The following AQR variants were observed in gnomAD, a reference collection of about 807,000 sequenced individuals.
The protein encoded by AQR is RNA helicase aquarius.
A neutral mutation model predicts 180.5 loss-of-function variants in AQR; 61 were observed. The observed-to-expected ratio is 0.34, with a 90% CI of 0.28 to 0.42. AQR has a LOEUF of 0.42. Ranked by LOEUF, AQR falls within the 10% of genes least tolerant of loss-of-function variation. The pLI is 1.00. For synonymous variants in AQR, 551 were observed against 588.8 expected (o/e 0.94, Z 0.93); for missense variants, 1,281 against 1,798.3 (o/e 0.71, Z 5.20).
intron 13 of AQR, among the ~76,000 whole-genome samples, chr15:34,925,052 A>G (rs1420692536): frequency 2.0e-5 from 3 of 152,170 alleles, no homozygotes; most frequent in African/African-American, 7.2e-5. Context: ...TCATTAAAAA[A>G]TTTAAAATAT....
At chr15:34,949,938 T>C (rs1894193954) in intron 4 of AQR, among the ~76,000 whole-genome samples, 1 of 145,836 alleles carries the variant, frequency 6.9e-6, no homozygotes, top group African/African-American at 2.5e-5. Context: ...TGTACTCCAA[T>C]GTGGGCAACA....
chr15:34,936,861 A>G (rs1893952810), intron 9 of AQR, among the ~76,000 whole-genome samples: 1 of 152,062 alleles, frequency 6.6e-6, no homozygotes, highest in Non-Finnish European at 1.5e-5. Context: ...ATAGTTAGAG[A>G]TATCAATTTT....
At chr15:34,922,120 GT>G (rs1678828636) in intron 13 of AQR, among the ~76,000 whole-genome samples, 1 of 152,010 alleles carries the variant, frequency 6.6e-6, no homozygotes, top group African/African-American at 2.4e-5. Flanking sequence ...TCTTAGGTAG[GT>G]AGCCTTTTGA....
chr15:34,901,630 A>G (rs1000091961), intron 19 of AQR, among the ~76,000 whole-genome samples: 1 of 152,218 alleles, frequency 6.6e-6, no homozygotes, highest in African/African-American at 2.4e-5. Context: ...GACCATTTTT[A>G]AATCATAACT....
chr15:34,897,853 A>G, intron 20 of AQR, 148 bp from the exon 21 acceptor site: 3 of 884,466 alleles, frequency 3.4e-6, no homozygotes, highest in Non-Finnish European at 5.1e-6. Flanking sequence ...AACTCTGAAA[A>G]TGGTCGAGTT....
intron 17 of AQR, among the ~76,000 whole-genome samples, chr15:34,908,414 C>T (rs946538233): frequency 3.3e-5 from 5 of 151,364 alleles, no homozygotes; most frequent in Non-Finnish European, 5.9e-5. Flanking sequence ...CCAGACTGGG[C>T]GACAGAGTGA....
chr15:34,898,146 G>C (rs1163774202), intron 20 of AQR, among the ~76,000 whole-genome samples: 1 of 152,176 alleles, frequency 6.6e-6, no homozygotes, highest in Non-Finnish European at 1.5e-5. Flanking sequence ...TTTCGCCTGG[G>C]CATAGGGTAG....
At chr15:34,885,094 A>C in intron 25 of AQR, among the ~76,000 whole-genome samples, 1 of 152,206 alleles carries the variant, frequency 6.6e-6, no homozygotes, top group East Asian at 1.9e-4. Flanking sequence ...TCTCTGGACA[A>C]AGAAATTGCT....
chr15:34,932,267 A>G, intron 11 of AQR, 51 bp downstream of exon 11: 1 of 1,482,170 alleles, frequency 6.7e-7, no homozygotes, highest in Non-Finnish European at 9.4e-7. Flanking sequence ...CAAAGAAAAG[A>G]TCAATTTAGA....
rs1893472248 is a variant in AQR at position 34,909,768 on chromosome 15, T to C, written c.1663+367A>G. On this transcript the variant is annotated intron_variant, in intron 17 of 34. Transcript: ENST00000156471. ...ATATGTGGGCTTTCTCCCTGCTCTTTGGTGAACACTAATATTTTTATTCTT... is the reference window on the plus strand; with the variant it reads ...ATATGTGGGCTTTCTCCCTGCTCTTCGGTGAACACTAATATTTTTATTCTT... Among the ~76,000 whole-genome samples, 5 of 152,356 alleles carry C rather than the reference T, an allele frequency of 3.3e-5. No individual in the cohort carries two copies. The South Asian group carries it at 1.0e-3, about 32-fold the overall frequency.
intron 2 of AQR, 111 bp from the exon 3 acceptor site, chr15:34,960,925 C>A: frequency 4.6e-6 from 2 of 430,704 alleles, no homozygotes; most frequent in South Asian, 2.7e-5. Context: ...GGAAAGCCAT[C>A]AAATATTACT....
chr15:34,924,495 G>A (rs992053999), intron 13 of AQR, among the ~76,000 whole-genome samples: 28 of 151,108 alleles, frequency 1.9e-4, no homozygotes, highest in African/African-American at 6.1e-4. Flanking sequence ...GCAGTGGCAC[G>A]ATCTTGGCTC....
chr15:34,887,311 G>T (rs1893077419), intron 24 of AQR, among the ~76,000 whole-genome samples: 1 of 152,152 alleles, frequency 6.6e-6, no homozygotes, highest in African/African-American at 2.4e-5. Flanking sequence ...GTGCATTCTG[G>T]TGCTAGTTCA....
chr15:34,918,473 G>A, intron 14 of AQR, 95 bp from the exon 15 acceptor site: 2 of 1,435,488 alleles, frequency 1.4e-6, no homozygotes, highest in African/African-American at 1.4e-5. Flanking sequence ...ATCAGTTATT[G>A]TAGCAGTTCA....
Position 34,918,268 on chromosome 15 carries a change from A to G in AQR, c.1332T>C (p.Tyr444=). The G allele has an allele frequency of 6.2e-7, 1 of 1,613,442 alleles. No individual in the cohort carries two copies. Among genetic ancestry groups the G allele is most frequent in the Middle Eastern group, 1.7e-4 (1 of 6,052 alleles). The change falls in exon 15 of 35, where the codon TAT becomes TAC. Residue 444 remains tyrosine, a synonymous_variant. Coordinates refer to ENST00000156471, the MANE Select transcript of AQR (RefSeq NM_014691.3). The part of the protein sequence containing the change: ...WDENIVPTEY[Y]SGEGCLALPK... ...ACTTCTTTACCATACCTTCTCCAGA[A>G]TAGTACTCAGTTGGGACAATATTTT...
intron 22 of AQR, among the ~76,000 whole-genome samples, chr15:34,894,024 C>T (rs1304201780): frequency 1.3e-5 from 2 of 151,922 alleles, no homozygotes; most frequent in African/African-American, 4.8e-5. Context: ...ACAAGTCTAA[C>T]ACTCATGTCA....
At position 34,890,274 on chromosome 15, in the gene AQR, G is replaced by A; in HGVS notation, c.2622C>T (p.Arg874=). Residue 874 remains arginine, a synonymous_variant, in exon 24 of 35, where the codon CGC becomes CGT. Coordinates refer to ENST00000156471, the MANE Select transcript of AQR (RefSeq NM_014691.3). ...CTCCATGACCAAGACGCAGTAGGTG[G>A]CGCTCATCAATGTCTAATGCCATGA... The part of the protein sequence containing the change: ...EKIMALDIDE[R]HLLRLGHGEE... 6.2e-7 allele frequency: 1 copy of A among 1,613,536 alleles called. No individual in the cohort carries two copies. The highest frequency in any genetic ancestry group is 8.5e-7 in the Non-Finnish European group (1 of 1,179,804).
intron 1 of AQR, among the ~76,000 whole-genome samples, chr15:34,965,404 C>T (rs184440450): frequency 7.6e-4 from 115 of 152,238 alleles, no homozygotes; most frequent in Non-Finnish European, 1.3e-3. Context: ...GGCATGGTGG[C>T]TCATGCCTGT....
intron 34 of AQR, among the ~76,000 whole-genome samples, chr15:34,859,440 G>A (rs1279446999): frequency 6.6e-6 from 1 of 152,220 alleles, no homozygotes; most frequent in Non-Finnish European, 1.5e-5. Flanking sequence ...CTCTCACACT[G>A]CTGCTGAGAG....
Sources: gnomAD v4.1 joint callset for allele counts (sites outside exome capture counted in the v4.1 genomes callset) on GRCh38, gnomAD v4.1.1 for gene constraint, MANE v1.5 for transcripts, NCBI Gene and HGNC (gene_info 2026-07-23, HGNC 2026-07-21) for gene names.